SH3RF2: variants seen among roughly 807,000 people sequenced by gnomAD.
SH3RF2 encodes E3 ubiquitin-protein ligase SH3RF2.
Under a neutral mutation model 59.0 loss-of-function variants are expected in SH3RF2, and 43 were observed. The ratio of observed to expected loss-of-function variants is 0.73; its 90% CI spans 0.57 to 0.94. The LOEUF (loss-of-function observed/expected upper bound fraction) is 0.94. Among genes scored for constraint, SH3RF2 ranks in the 40% least tolerant of loss-of-function variants. The probability of loss-of-function intolerance (pLI) is 0.00; values close to 1 mark genes in which losing one functional copy is unlikely to be tolerated. For missense variants in SH3RF2, 930 were observed against 940.1 expected (o/e 0.99, Z 0.14); for synonymous variants, 391 against 391.5 (o/e 1.00, Z 0.01).
intron 2 of SH3RF2, among the ~76,000 whole-genome samples, chr5:145,987,494 A>G (rs1434023162): frequency 1.3e-5 from 2 of 152,256 alleles, no homozygotes; most frequent in Non-Finnish European, 2.9e-5. Context: ...ACGACATAAC[A>G]GAATTTCAGA....
chr5:145,985,570 T>C (rs1315658883), intron 2 of SH3RF2, among the ~76,000 whole-genome samples: 1 of 152,200 alleles, frequency 6.6e-6, no homozygotes, highest in African/African-American at 2.4e-5. Context: ...TATAGAATAA[T>C]GAAAAGCAGA....
At position 146,057,954 on chromosome 5, in the gene SH3RF2, CTCTCTCTCTCTCTCTA is replaced by C. The variant is rs745808250; in HGVS notation, c.1555+1745_1555+1760del. ...TCTCTCTCTCTCTCTCTCTCTCTCT[CTCTCTCTCTCTCTCTA>C]TCTATCTATCTATCTATATATATAT... is the stretch of plus-strand genomic sequence containing the variant. On this transcript the variant is annotated intron_variant, in intron 8 of 9. Transcript: ENST00000359120. Among the ~76,000 whole-genome samples, 909 of 131,528 alleles carry C rather than the reference CTCTCTCTCTCTCTCTA, an allele frequency of 6.9e-3. 7 individuals are homozygous for C. The highest frequency in any genetic ancestry group is 0.012 in the Non-Finnish European group (717 of 59,442). The allele number at this position is 131,528 out of a possible 152,430, so 86.3% of individuals were successfully genotyped here. A position where few individuals can be genotyped will look rare whatever the true frequency, so the allele number is the denominator to read the frequency against.
In SH3RF2 at chr5:145,953,144, A is replaced by ACAC. The variant is rs1758257335; in HGVS notation, c.378+14839_378+14841dup. Reference sequence around the variant, plus strand: ...CTCTGTCACACACACACACACACACACACAAATAATAAAAATAATTGCAAA... The same window carrying ACAC: ...CTCTGTCACACACACACACACACACACACCACAAATAATAAAAATAATTGCAAA... On this transcript the variant is annotated intron_variant, in intron 2 of 9. Coordinates refer to ENST00000359120, the MANE Select transcript of SH3RF2 (RefSeq NM_152550.4). 2.0e-5 allele frequency among the ~76,000 whole-genome samples: 3 copies of ACAC among 152,114 alleles called. No individual in the cohort carries two copies. The South Asian group carries it at 6.2e-4, about 31-fold the overall frequency.
chr5:146,059,845 C>T (rs1762820080), intron 8 of SH3RF2, 21 bp from the exon 9 acceptor site: 1 of 1,421,610 alleles, frequency 7.0e-7, no homozygotes, highest in Non-Finnish European at 9.2e-7. Context: ...CTGCTGATCT[C>T]TCTGTCCTAT....
chr5:146,014,150 T>C (rs185350613), intron 5 of SH3RF2, 89 bp downstream of exon 5: 1 of 1,407,192 alleles, frequency 7.1e-7, no homozygotes, highest in Non-Finnish European at 9.8e-7. Flanking sequence ...GTTTAGTACT[T>C]GCTAAGCACC....
intron 2 of SH3RF2, among the ~76,000 whole-genome samples, chr5:145,986,842 A>C (rs948022270): frequency 2.6e-5 from 4 of 152,190 alleles, no homozygotes; most frequent in African/African-American, 9.7e-5. Context: ...CTGAAAAGGC[A>C]CTACTGACTA....
downstream of SH3RF2, among the ~76,000 whole-genome samples, chr5:146,066,159 T>C (rs1176867680): frequency 3.3e-5 from 5 of 152,222 alleles, no homozygotes; most frequent in African/African-American, 7.2e-5. Context: ...AGAGCCCAAC[T>C]TGGGACTTGC....
chr5:145,945,838 T>C (rs1453699732), intron 2 of SH3RF2, among the ~76,000 whole-genome samples: 2 of 152,178 alleles, frequency 1.3e-5, no homozygotes, highest in Non-Finnish European at 2.9e-5. Context: ...GACTATCAGC[T>C]GTATCTACAG....
chr5:146,031,761 G>C (rs1335869283), intron 5 of SH3RF2, among the ~76,000 whole-genome samples: 1 of 152,158 alleles, frequency 6.6e-6, no homozygotes, highest in Non-Finnish European at 1.5e-5. Flanking sequence ...TTGATAGCTG[G>C]ATTCTCTCAG....
At chr5:145,950,494 A>G (rs1580758970) in intron 2 of SH3RF2, among the ~76,000 whole-genome samples, 1 of 152,362 alleles carries the variant, frequency 6.6e-6, no homozygotes, top group African/African-American at 2.4e-5. Context: ...CAGAAATTTA[A>G]GAATGTAAGT....
At chr5:146,056,248 A>G (rs771994943) in intron 8 of SH3RF2, 35 bp downstream of exon 8, 2 of 1,613,568 alleles carry the variant, frequency 1.2e-6, no homozygotes, top group Admixed American at 3.3e-5. Context: ...GCCTAGAGCT[A>G]AGTGATGGGG....
intron 9 of SH3RF2, among the ~76,000 whole-genome samples, chr5:146,075,628 T>C (rs1255484381): frequency 6.6e-6 from 1 of 151,946 alleles, no homozygotes; most frequent in Non-Finnish European, 1.5e-5. Flanking sequence ...CTGGCCAACA[T>C]GGCAAAACCC....
intron 4 of SH3RF2, among the ~76,000 whole-genome samples, chr5:146,007,126 G>A (rs867564173): frequency 4.6e-5 from 7 of 152,106 alleles, no homozygotes; most frequent in Non-Finnish European, 7.3e-5. Flanking sequence ...GTGTGGATTC[G>A]ACCCAAAAGC....
intron 8 of SH3RF2, among the ~76,000 whole-genome samples, chr5:146,057,431 C>T (rs2150020343): frequency 6.6e-6 from 1 of 152,326 alleles, no homozygotes; most frequent in Non-Finnish European, 1.5e-5. Flanking sequence ...CTTCTGCCTT[C>T]AGTTCACTCT....
intron 2 of SH3RF2, among the ~76,000 whole-genome samples, chr5:145,979,988 G>A (rs2149968326): frequency 6.6e-6 from 1 of 152,312 alleles, no homozygotes; most frequent in Non-Finnish European, 1.5e-5. Flanking sequence ...AGGTGACAGA[G>A]ACATTAGCCC....
intron 2 of SH3RF2, among the ~76,000 whole-genome samples, chr5:145,952,654 G>A (rs1030733090): frequency 6.6e-6 from 1 of 152,198 alleles, no homozygotes; most frequent in African/African-American, 2.4e-5. Context: ...TAATGGGATA[G>A]ATAAAAGGAA....
intron 4 of SH3RF2, among the ~76,000 whole-genome samples, chr5:146,007,361 G>A (rs116150597): frequency 3.9e-5 from 6 of 152,180 alleles, no homozygotes; most frequent in Non-Finnish European, 7.3e-5. Flanking sequence ...AGAGGCAGGC[G>A]TAGAGGAGAG....
Position 146,011,448 on chromosome 5 carries a change from T to A in SH3RF2, c.745-2299T>A, listed in dbSNP as rs1192621310. On this transcript the variant is annotated intron_variant, in intron 4 of 9. Coordinates refer to ENST00000359120, the MANE Select transcript of SH3RF2 (RefSeq NM_152550.4). Reference sequence around the variant, plus strand: ...ATTGGTAGCTTGATGGGGATAGCAATGAATCTATAAATTACCTTGGGCAGT... The same window carrying A: ...ATTGGTAGCTTGATGGGGATAGCAAAGAATCTATAAATTACCTTGGGCAGT... Among the ~76,000 whole-genome samples, 15 of 152,340 alleles carry A rather than the reference T, an allele frequency of 9.8e-5. 3 individuals carry two copies. The highest frequency in any genetic ancestry group is 3.6e-4 in the African/African-American group (15 of 41,586).
At chr5:145,972,319 A>T (rs772210670) in intron 2 of SH3RF2, among the ~76,000 whole-genome samples, 2 of 152,232 alleles carry the variant, frequency 1.3e-5, no homozygotes, top group Non-Finnish European at 2.9e-5. Context: ...CCAGCATCCC[A>T]TCAGAATAGC....
Sources: allele counts gnomAD v4.1 joint callset (sites outside exome capture counted in the v4.1 genomes callset), GRCh38; gene constraint gnomAD v4.1.1; transcripts MANE v1.5; gene names NCBI Gene and HGNC (gene_info 2026-07-23, HGNC 2026-07-21).